The following MLXIP variants were observed in gnomAD, a reference collection of about 807,000 sequenced individuals.
MLXIP encodes MLX-interacting protein.
Under a neutral mutation model 87.2 loss-of-function variants are expected in MLXIP, and 30 were observed. The observed-to-expected ratio is 0.34, with a 90% confidence interval of 0.26 to 0.47. The LOEUF (loss-of-function observed/expected upper bound fraction) is 0.47, where lower values mean the gene tolerates loss of function less well. Among genes scored for constraint, MLXIP ranks in the 20% least tolerant of loss-of-function variants. The pLI, the probability that MLXIP is intolerant of heterozygous loss-of-function variation, is 1.00. For missense variants in MLXIP, 1,002 were observed against 1,240.1 expected, an observed-to-expected ratio of 0.81 and a Z score of 2.88; for synonymous variants, 530 against 514.0, an observed-to-expected ratio of 1.03 and a Z score of -0.42.
At chr12:122,083,895 T>A (rs1952127413) in intron 1 of MLXIP, among the ~76,000 whole-genome samples, 1 of 152,224 alleles carries the variant, frequency 6.6e-6, no homozygotes, top group Admixed American at 6.5e-5. Flanking sequence ...GGTTTTTCTC[T>A]TTTGCAGTCA....
At position 122,146,261 on chromosome 12, in the gene MLXIP, A is replaced by C. The variant is rs931972415; in HGVS notation, c.*4449A>C. The C allele has an allele frequency of 6.6e-6, 1 of 152,428 alleles. No individual in the cohort carries two copies. The highest frequency in any genetic ancestry group is 1.5e-5 in the Non-Finnish European group (1 of 68,178). The allele number at this position is 152,428 out of a possible 1,614,324, so 9.4% of individuals were successfully genotyped here. On this transcript the variant is annotated 3_prime_UTR_variant, in exon 17 of 17. Transcript: ENST00000319080. ...GCACACTTGTCAGGGGAGAGGGGACAGCAAGGTGGGAGGTTGAAGAGCTTT... is the reference window on the plus strand; with the variant it reads ...GCACACTTGTCAGGGGAGAGGGGACCGCAAGGTGGGAGGTTGAAGAGCTTT...
At chr12:122,127,832 TC>T (rs1952904920) in intron 2 of MLXIP, 50 bp from the exon 3 acceptor site, 1 of 1,492,722 alleles carries the variant, frequency 6.7e-7, no homozygotes, top group Non-Finnish European at 9.3e-7. Context: ...AGGCTGGGGC[TC>T]CCTCAGGGGT....
At position 122,140,046 on chromosome 12, in the gene MLXIP, T is replaced by G. The variant is rs569977269; in HGVS notation, c.2509-908T>G. 2.6e-5 allele frequency among the ~76,000 whole-genome samples: 4 copies of G among 152,318 alleles called. No individual in the cohort carries two copies. The South Asian group carries it at 8.3e-4, about 32-fold the overall frequency. ...TCCTCTGTGTTGCTGTTTTACTGCC[T>G]GCCCTGGTCCTGATCCCTGTCATTA... On this transcript the variant is annotated intron_variant, in intron 15 of 16. Transcript: ENST00000319080.
rs968585922 is a variant in MLXIP at position 122,133,043 on chromosome 12, C to G, written c.1093-305C>G. On this transcript the variant is annotated intron_variant, in intron 8 of 16. Coordinates refer to ENST00000319080, the MANE Select transcript of MLXIP (RefSeq NM_014938.6). The surrounding 1 kb of genome is among the most constrained non-coding windows in gnomAD (Gnocchi z 4.9). ...GCCTCTGCTCAGTAATAGAAGATGG[C>G]AGAGACTTTGGGGAGACTCTGCTGG... 3 of 325,066 alleles carry G rather than the reference C, an allele frequency of 9.2e-6. No individual in the cohort carries two copies. The highest frequency in any genetic ancestry group is 1.7e-5 in the Non-Finnish European group (3 of 177,916). The allele number at this position is 325,066 out of a possible 1,614,324, so 20.1% of individuals were successfully genotyped here.
intron 12 of MLXIP, 128 bp from the exon 13 acceptor site, chr12:122,138,066 C>T (rs755068832): frequency 7.4e-5 from 54 of 727,944 alleles, no homozygotes; most frequent in Non-Finnish European, 8.6e-5. Context: ...AGCTTCTCGT[C>T]GTGCCCTCCT....
At position 122,141,938 on chromosome 12, in the gene MLXIP, A is replaced by G. The variant is rs562997375; in HGVS notation, c.*126A>G. The G allele has an allele frequency of 6.8e-4, 970 of 1,436,964 alleles. 6 individuals carry two copies. The African/African-American group carries it at 0.012, about 18-fold the overall frequency. 89.0% of individuals were successfully genotyped at this position (1,436,964 alleles called of 1,614,324 possible). ...GGCCTCTCTCCAACTCTGCCGGCCC[A>G]CCGTGGCATCGGGAGGCCATGCTCA... is the stretch of plus-strand genomic sequence containing the variant. On this transcript the variant is annotated 3_prime_UTR_variant, in exon 17 of 17. Transcript: ENST00000319080.
intron 1 of MLXIP, among the ~76,000 whole-genome samples, chr12:122,086,681 G>A (rs1952172225): frequency 6.6e-6 from 1 of 152,152 alleles, no homozygotes; most frequent in African/African-American, 2.4e-5. Flanking sequence ...GTTTTTGGCA[G>A]AGTTCTCTAG....
rs905354170 is a variant in MLXIP, at chr12:122,105,811, CT to C, written c.414-21442del. Among the ~76,000 whole-genome samples the C allele has an allele frequency of 4.6e-5, 7 of 152,056 alleles. No homozygotes were observed. The South Asian group carries it at 8.3e-4, about 18-fold the overall frequency. Reference sequence around the variant, plus strand: ...AAAAAAAACTTCCCTTTTATAAGCCCTTTCCCCCCCTTCTTTTCCTCCTCTC... The same window carrying C: ...AAAAAAAACTTCCCTTTTATAAGCCCTTCCCCCCCTTCTTTTCCTCCTCTC... On this transcript the variant is annotated intron_variant, in intron 1 of 16. Transcript: ENST00000319080.
chr12:122,110,124 CTT>C (rs1355368495), intron 1 of MLXIP, among the ~76,000 whole-genome samples: 1 of 152,070 alleles, frequency 6.6e-6, no homozygotes, highest in Non-Finnish European at 1.5e-5. Flanking sequence ...TGAATTATCT[CTT>C]GTCTCAAAAA....
chr12:122,091,678 A>G (rs1359440753), intron 1 of MLXIP, among the ~76,000 whole-genome samples: 1 of 152,334 alleles, frequency 6.6e-6, no homozygotes, highest in East Asian at 1.9e-4. Context: ...CCTCCTTTTC[A>G]TAAAGTCATG....
In MLXIP at chr12:122,090,421, C is replaced by T. The variant is rs183419044; in HGVS notation, c.413+11155C>T. ...CTGAGGCAGGAGACTCTCTTGAAACCGAGAGGCAGAGGTTACAGTGAGCCA... is the reference window on the plus strand; with the variant it reads ...CTGAGGCAGGAGACTCTCTTGAAACTGAGAGGCAGAGGTTACAGTGAGCCA... On this transcript the variant is annotated intron_variant, in intron 1 of 16. Transcript: ENST00000319080. Among the ~76,000 whole-genome samples, 479 of 151,938 alleles carry T rather than the reference C, an allele frequency of 3.2e-3. 8 individuals are homozygous for T. The highest frequency in any genetic ancestry group is 0.017 in the Admixed American group (261 of 15,244).
At chr12:122,110,902 C>G (rs376767698) in intron 1 of MLXIP, among the ~76,000 whole-genome samples, 1 of 151,758 alleles carries the variant, frequency 6.6e-6, no homozygotes, top group East Asian at 1.9e-4. Flanking sequence ...ATGGTGAAAC[C>G]CCGTCTCTAC....
intron 1 of MLXIP, among the ~76,000 whole-genome samples, chr12:122,101,666 C>T (rs1422043681): frequency 1.3e-5 from 2 of 149,286 alleles, no homozygotes; most frequent in Non-Finnish European, 1.5e-5. Context: ...CTGCAAGCTC[C>T]GCCTCCCAGG....
intron 1 of MLXIP, among the ~76,000 whole-genome samples, chr12:122,103,572 G>A (rs796433558): frequency 8.9e-5 from 13 of 146,782 alleles, no homozygotes; most frequent in African/African-American, 3.0e-4. Context: ...CCAGGCTGGA[G>A]TTCAGTGGCA....
At chr12:122,131,651 A>T (rs910087062) in intron 7 of MLXIP, among the ~76,000 whole-genome samples, 3 of 151,434 alleles carry the variant, frequency 2.0e-5, no homozygotes, top group Non-Finnish European at 4.4e-5. Flanking sequence ...GGGGTCTGCT[A>T]TGTTGCCCAG....
At chr12:122,095,112 G>A (rs1952330824) in intron 1 of MLXIP, among the ~76,000 whole-genome samples, 1 of 147,428 alleles carries the variant, frequency 6.8e-6, no homozygotes, top group African/African-American at 2.5e-5. Context: ...ATGTGTTGGT[G>A]TGTGTGGGGT....
chr12:122,116,344 G>T (rs564983173), intron 1 of MLXIP, among the ~76,000 whole-genome samples: 1 of 152,158 alleles, frequency 6.6e-6, no homozygotes, highest in South Asian at 2.1e-4. Context: ...CAACGTGCAG[G>T]TTTGTTACAT....
chr12:122,110,533 C>T (rs895401686), intron 1 of MLXIP, among the ~76,000 whole-genome samples: 2 of 151,940 alleles, frequency 1.3e-5, no homozygotes, highest in Non-Finnish European at 2.9e-5. Flanking sequence ...GTGATCCACC[C>T]GCTTCGGCCT....
Position 122,137,436 on chromosome 12 carries a change from C to T in MLXIP, c.2033-33C>T. On this transcript the variant is annotated intron_variant, in intron 11 of 16. Coordinates refer to ENST00000319080, the MANE Select transcript of MLXIP (RefSeq NM_014938.6). This position sits in a 1 kb window ranked among gnomAD's most constrained non-coding sequence, Gnocchi z 4.1. ...CTCCTGGTGGCGTTGAGGGGCCAGG[C>T]CTCCGCCCCTCAGAGGAGTCTGTTC... 1 of 1,598,738 alleles carries T rather than the reference C, an allele frequency of 6.3e-7. No individual in the cohort carries two copies. The highest frequency in any genetic ancestry group is 8.5e-7 in the Non-Finnish European group (1 of 1,172,086).
Sources: gnomAD v4.1 joint callset for allele counts (sites outside exome capture counted in the v4.1 genomes callset) on GRCh38, gnomAD v4.1.1 for gene constraint, Gnocchi (gnomAD v3.1) non-coding constraint, MANE v1.5 for transcripts, NCBI Gene and HGNC (gene_info 2026-07-23, HGNC 2026-07-21) for gene names.